Variants in METTL24 observed in about 807,000 individuals in gnomAD.
METTL24 encodes methyltransferase like 24, also known as probable methyltransferase-like protein 24.
In METTL24, 29 loss-of-function variants were observed where a neutral mutation model predicts 32.7. The observed-to-expected ratio is 0.89, with a 90% CI of 0.66 to 1.21. The LOEUF (loss-of-function observed/expected upper bound fraction) is 1.21, where lower values mean the gene tolerates loss of function less well. Ranked by LOEUF, METTL24 falls within the 50% of genes most tolerant of loss-of-function variation. The probability of loss-of-function intolerance (pLI) is 0.00; values close to 1 mark genes in which losing one functional copy is unlikely to be tolerated. For synonymous variants in METTL24, 163 were observed against 179.5 expected (o/e 0.91, Z 0.73); for missense variants, 439 against 468.1 (o/e 0.94, Z 0.57).
At chr6:110,337,936 G>A (rs1044295425) in intron 1 of METTL24, among the ~76,000 whole-genome samples, 4 of 152,140 alleles carry the variant, frequency 2.6e-5, no homozygotes, top group Non-Finnish European at 5.9e-5. Flanking sequence ...TGTCAATCTT[G>A]TTTCTCTAAC....
chr6:110,309,115 T>A (rs918545550), intron 3 of METTL24, among the ~76,000 whole-genome samples: 3 of 152,212 alleles, frequency 2.0e-5, no homozygotes, highest in African/African-American at 7.2e-5. Flanking sequence ...GTGAAATATA[T>A]CTTAACAAGC....
At chr6:110,311,196 T>C (rs916331830) in intron 3 of METTL24, among the ~76,000 whole-genome samples, 2 of 152,166 alleles carry the variant, frequency 1.3e-5, no homozygotes, top group African/African-American at 4.8e-5. Flanking sequence ...GTCAGCCAGC[T>C]ATCTACTTGT....
At chr6:110,340,806 C>G (rs68136775) in intron 1 of METTL24, among the ~76,000 whole-genome samples, 13,121 of 152,230 alleles carry the variant, frequency 0.086, 609 homozygotes, top group Non-Finnish European at 0.099. Flanking sequence ...AGCATTCCCC[C>G]GTACACAGCC....
At chr6:110,303,283 C>T (rs963170231) in intron 3 of METTL24, among the ~76,000 whole-genome samples, 3 of 151,852 alleles carry the variant, frequency 2.0e-5, no homozygotes, top group Non-Finnish European at 4.4e-5. Context: ...TTTTTCATAC[C>T]CCAGTGGTGC....
chr6:110,353,115 G>A (rs1424283306), intron 1 of METTL24, among the ~76,000 whole-genome samples: 1 of 152,198 alleles, frequency 6.6e-6, no homozygotes, highest in Non-Finnish European at 1.5e-5. Context: ...ACACATCAAA[G>A]TTGTAATAAA....
At chr6:110,357,787 A>C (rs78213871) in intron 1 of METTL24, 168 bp downstream of exon 1, 2 of 235,934 alleles carry the variant, frequency 8.5e-6, no homozygotes, top group Non-Finnish European at 1.6e-5. Flanking sequence ...TGGGCACTGA[A>C]AGATGCGACC....
chr6:110,315,455 G>T lies in METTL24; in HGVS notation c.444C>A (p.Asp148Glu). 1 of 1,614,098 alleles carries T rather than the reference G, an allele frequency of 6.2e-7. No homozygotes were observed. Among genetic ancestry groups the T allele is most frequent in the Non-Finnish European group, 8.5e-7 (1 of 1,179,990 alleles). ...TAGGACTAGAGTCAGTAGCCAGGCTGTCTGTATTCATGTGATTGCATGCAA... is the reference window on the plus strand; with the variant it reads ...TAGGACTAGAGTCAGTAGCCAGGCTTTCTGTATTCATGTGATTGCATGCAA... Reference protein sequence around the residue: ...TQIACNHMNTDSLATDSSPTH... With the variant: ...TQIACNHMNTESLATDSSPTH... The change falls in exon 3 of 5, where the codon GAC (aspartate) becomes GAA (glutamate). Residue 148 changes from aspartate (D) to glutamate (E), a missense_variant. Coordinates refer to ENST00000338882, the MANE Select transcript of METTL24 (RefSeq NM_001123364.3).
At chr6:110,264,813 TC>T (rs1770821068) in intron 4 of METTL24, among the ~76,000 whole-genome samples, 1 of 152,130 alleles carries the variant, frequency 6.6e-6, no homozygotes, top group South Asian at 2.1e-4. Context: ...TGAGTTCATG[TC>T]CTTTGTAGGG....
chr6:110,303,624 C>T (rs549351160), intron 3 of METTL24, among the ~76,000 whole-genome samples: 1 of 152,362 alleles, frequency 6.6e-6, no homozygotes, highest in South Asian at 2.1e-4. Flanking sequence ...GATTCCTCCT[C>T]TCTGGGCAGG....
At chr6:110,320,010 G>T (rs190050242) in intron 2 of METTL24, among the ~76,000 whole-genome samples, 48 of 152,194 alleles carry the variant, frequency 3.2e-4, no homozygotes, top group African/African-American at 1.1e-3. Context: ...AGTGTGGAGG[G>T]GTGTTTTATT....
At chr6:110,280,394 GT>G (rs1459791534) in intron 4 of METTL24, among the ~76,000 whole-genome samples, 2 of 152,018 alleles carry the variant, frequency 1.3e-5, no homozygotes, top group Admixed American at 1.3e-4. Context: ...TAGTCACCAG[GT>G]ATTCAATCGC....
chr6:110,322,656 A>G (rs901077538), intron 2 of METTL24, 118 bp downstream of exon 2: 44 of 730,292 alleles, frequency 6.0e-5, no homozygotes, highest in Admixed American at 3.5e-4. Context: ...CTCTGAACAC[A>G]CTTCCCCATC....
At chr6:110,262,310 A>G (rs955144840) in intron 4 of METTL24, among the ~76,000 whole-genome samples, 26 of 152,362 alleles carry the variant, frequency 1.7e-4, no homozygotes, top group African/African-American at 6.0e-4. Flanking sequence ...ACAGAAATAC[A>G]AACTACCATC....
intron 3 of METTL24, among the ~76,000 whole-genome samples, chr6:110,310,929 C>T (rs1230536440): frequency 6.6e-6 from 1 of 152,182 alleles, no homozygotes; most frequent in Non-Finnish European, 1.5e-5. Context: ...CCATTGTCTT[C>T]GGTTTGCCTG....
At chr6:110,343,040 T>G (rs980897231) in intron 1 of METTL24, among the ~76,000 whole-genome samples, 1 of 152,176 alleles carries the variant, frequency 6.6e-6, no homozygotes, top group African/African-American at 2.4e-5. Flanking sequence ...TGTAAACATG[T>G]TTTCAGTTGT....
At chr6:110,315,541 G>A (rs1771804532) in intron 2 of METTL24, 60 bp from the exon 3 acceptor site, 1 of 1,568,650 alleles carries the variant, frequency 6.4e-7, no homozygotes, top group Admixed American at 1.7e-5. Context: ...ATAGCAGGTA[G>A]GGACTTATTG....
At chr6:110,332,634 A>G (rs1004166129) in intron 1 of METTL24, 1 of 248,308 alleles carries the variant, frequency 4.0e-6, no homozygotes, top group South Asian at 1.5e-4. Flanking sequence ...TCGGCCAGGC[A>G]CGGTGGTTCA....
chr6:110,252,039 G>A (rs756462101), intron 4 of METTL24, among the ~76,000 whole-genome samples: 10 of 152,150 alleles, frequency 6.6e-5, no homozygotes, highest in Non-Finnish European at 1.2e-4. Flanking sequence ...AGCTACTCAG[G>A]AGGCTGAGCC....
chr6:110,324,572 G>T (rs1457067728), intron 1 of METTL24, among the ~76,000 whole-genome samples: 2 of 152,134 alleles, frequency 1.3e-5, no homozygotes, highest in East Asian at 3.8e-4. Context: ...AAAAATTTTT[G>T]AACAAAAGGC....
Sources: allele counts gnomAD v4.1 joint callset (sites outside exome capture counted in the v4.1 genomes callset), GRCh38; gene constraint gnomAD v4.1.1; transcripts MANE v1.5; gene names NCBI Gene and HGNC (gene_info 2026-07-23, HGNC 2026-07-21).